RMND5B: variants seen among roughly 807,000 people sequenced by gnomAD.
RMND5B encodes required for meiotic nuclear division 5 homolog B, also known as E3 ubiquitin-protein transferase RMND5B.
A neutral mutation model predicts 50.4 loss-of-function variants in RMND5B; 42 were observed. The ratio of observed to expected loss-of-function variants is 0.83; its 90% CI spans 0.65 to 1.08. The LOEUF is 1.08. RMND5B is among the 50% of genes least tolerant of loss of function. The pLI, the probability that RMND5B is intolerant of heterozygous loss-of-function variation, is 0.00. For synonymous variants in RMND5B, 220 were observed against 210.0 expected (o/e 1.05, Z -0.41); for missense variants, 463 against 508.5 (o/e 0.91, Z 0.86).
At chr5:178,134,976 C>A (rs201686338) in intron 2 of RMND5B, among the ~76,000 whole-genome samples, 442 of 131,732 alleles carry the variant, frequency 3.4e-3, no homozygotes, top group Non-Finnish European at 4.1e-3. Flanking sequence ...AGACCGTCTA[C>A]AAAAAAAAAA....
intron 3 of RMND5B, 37 bp from the exon 4 acceptor site, chr5:178,142,546 C>G (rs1758996973): frequency 6.3e-7 from 1 of 1,577,914 alleles, no homozygotes; most frequent in Non-Finnish European, 8.6e-7. Context: ...GTGCCCCAGT[C>G]TGCCTCCTCT....
chr5:178,139,261 G>A (rs1313954009), intron 3 of RMND5B, among the ~76,000 whole-genome samples: 2 of 149,372 alleles, frequency 1.3e-5, no homozygotes, highest in South Asian at 2.1e-4. Flanking sequence ...CTGGAGTGCA[G>A]TGGCGTGATC....
In RMND5B at chr5:178,138,927, A is replaced by G. The variant is rs78598317; in HGVS notation, c.139+669A>G. On this transcript the variant is annotated intron_variant, in intron 3 of 10. Coordinates refer to ENST00000313386, the MANE Select transcript of RMND5B (RefSeq NM_022762.5). This position sits in a 1 kb window ranked among gnomAD's most constrained non-coding sequence, Gnocchi z 5.1. ...TATTAAAACCCAGAAATTGCCAGGC[A>G]CAGTGGCTCACGCCTGTAATCCCAG... Among the ~76,000 whole-genome samples, 3,132 of 152,262 alleles carry G rather than the reference A, an allele frequency of 0.021. 39 individuals carry two copies. The highest frequency in any genetic ancestry group is 0.061 in the Middle Eastern group (18 of 294).
intron 7 of RMND5B, among the ~76,000 whole-genome samples, chr5:178,144,832 A>G (rs1755899319): frequency 6.6e-6 from 1 of 152,034 alleles, no homozygotes; most frequent in South Asian, 2.1e-4. Context: ...CCTTGGCAAC[A>G]TGGGGAACCC....
chr5:178,131,458 G>A (rs1758295911), intron 2 of RMND5B, 82 bp downstream of exon 2: 1 of 152,326 alleles, frequency 6.6e-6, no homozygotes, highest in African/African-American at 2.4e-5. Context: ...GCATGTTAAT[G>A]CGGGTGAAAC....
intron 7 of RMND5B, among the ~76,000 whole-genome samples, chr5:178,145,510 C>A (rs1262530277): frequency 6.7e-6 from 1 of 149,744 alleles, no homozygotes; most frequent in Non-Finnish European, 1.5e-5. Context: ...AAAAAAAACA[C>A]ACAAAAAACA....
At chr5:178,131,202 C>T (rs1055734472) in intron 1 of RMND5B, 35 bp from the exon 2 acceptor site, 2 of 152,148 alleles carry the variant, frequency 1.3e-5, no homozygotes, top group African/African-American at 2.4e-5. Context: ...GACTAAGCCC[C>T]GAACAATCTG....
At position 178,138,128 on chromosome 5, in the gene RMND5B, G is replaced by A. The variant is rs769677656; in HGVS notation, c.9G>A (p.Gln3=). The A allele has an allele frequency of 4.3e-5, 68 of 1,598,852 alleles. No individual in the cohort carries two copies. The highest frequency in any genetic ancestry group is 5.5e-5 in the Non-Finnish European group (64 of 1,173,144). Residue 3 remains glutamine (Q), a synonymous_variant, in exon 3 of 11, where the codon CAG becomes CAA. Transcript: ENST00000313386. This position sits in a 1 kb window ranked among gnomAD's most constrained non-coding sequence, Gnocchi z 5.1. The stretch of plus-strand genomic sequence containing the variant: ...CCCAGGCTGAGGCCACCATGGAGCA[G>A]TGTGCGTGCGTGGAGAGAGAGCTGG... ME[Q]CACVERELDK... is the part of the protein sequence containing the mutation.
chr5:178,140,446 G>A (rs1320682413), intron 3 of RMND5B, among the ~76,000 whole-genome samples: 2 of 151,888 alleles, frequency 1.3e-5, no homozygotes, highest in African/African-American at 4.8e-5. Flanking sequence ...CCAAAGTGCT[G>A]GGATTATGAT....
intron 2 of RMND5B, among the ~76,000 whole-genome samples, chr5:178,132,667 G>C (rs559482923): frequency 6.6e-6 from 1 of 151,790 alleles, no homozygotes; most frequent in South Asian, 2.1e-4. Context: ...CCAGGAGGTC[G>C]AGGCTGCAGT....
At chr5:178,143,461 AG>A (rs1326276521) in intron 5 of RMND5B, among the ~76,000 whole-genome samples, 165 bp from the exon 6 acceptor site, 3 of 152,174 alleles carry the variant, frequency 2.0e-5, no homozygotes, top group Non-Finnish European at 4.4e-5. Context: ...CCCAGGACTG[AG>A]ATGGGAACAA....
chr5:178,144,089 T>C lies in RMND5B; in HGVS notation c.675T>C (p.Phe225=). 1.2e-6 allele frequency: 2 copies of C among 1,613,904 alleles called. No individual in the cohort carries two copies. Among genetic ancestry groups the C allele is most frequent in the Non-Finnish European group, 1.7e-6 (2 of 1,179,902 alleles). Residue 225 remains phenylalanine (F), a synonymous_variant, in exon 7 of 11, where the codon TTT becomes TTC. Coordinates refer to ENST00000313386, the MANE Select transcript of RMND5B (RefSeq NM_022762.5). ...GCTATGCTCGGCACTTCCAGCCCTTTGCTCGGCTGCACCAGCGGGGTGAGT... is the reference window on the plus strand; with the variant it reads ...GCTATGCTCGGCACTTCCAGCCCTTCGCTCGGCTGCACCAGCGGGGTGAGT... ...ALSYARHFQP[F]ARLHQREIQV...
intron 2 of RMND5B, among the ~76,000 whole-genome samples, chr5:178,135,758 G>A (rs569314426): frequency 2.6e-4 from 40 of 152,238 alleles, no homozygotes; most frequent in African/African-American, 9.6e-4. Context: ...TTTGAGCTTG[G>A]CTTTGATAAG....
Position 178,149,798 on chromosome 5 carries a change from A to T in RMND5B, c.*1766A>T. 6.2e-7 allele frequency: 1 copy of T among 1,613,878 alleles called. No homozygotes were observed. The highest frequency in any genetic ancestry group is 2.2e-5 in the East Asian group (1 of 44,884). ...CTCCTCATGGGGCTTGACCATTATC[A>T]CACAGGTGGGGCGCTTGGAGCCTGC... On this transcript the variant is annotated 3_prime_UTR_variant, in exon 11 of 11. Transcript: ENST00000313386.
intron 5 of RMND5B, among the ~76,000 whole-genome samples, 161 bp downstream of exon 5, chr5:178,143,153 A>T (rs188589545): frequency 1.3e-3 from 205 of 152,334 alleles, no homozygotes; most frequent in African/African-American, 4.7e-3. Flanking sequence ...ATATATGATG[A>T]AAAGAGAAGT....
chr5:178,131,558 A>T (rs1012494033), intron 2 of RMND5B, among the ~76,000 whole-genome samples, 182 bp downstream of exon 2: 1 of 143,560 alleles, frequency 7.0e-6, no homozygotes, highest in Non-Finnish European at 1.5e-5. Flanking sequence ...AGAAACTTCA[A>T]GTAGGACTGT....
rs570073467 is a variant in RMND5B at position 178,136,597 on chromosome 5, A to C, written c.-12-1511A>C. Among the ~76,000 whole-genome samples, 435 of 152,148 alleles carry C rather than the reference A, an allele frequency of 2.9e-3. 7 individuals are homozygous for C. Among genetic ancestry groups the C allele is most frequent in the East Asian group, 3.1e-3 (16 of 5,170 alleles). ...GGAGACAGTGGCTACAGATGGGTCA[A>C]GGTGCTGAGGCCGGGACTCATGCTG... is the stretch of plus-strand genomic sequence containing the variant. On this transcript the variant is annotated intron_variant, in intron 2 of 10. Coordinates refer to ENST00000313386, the MANE Select transcript of RMND5B (RefSeq NM_022762.5).
chr5:178,145,271 G>A (rs1755931410), intron 7 of RMND5B, among the ~76,000 whole-genome samples: 1 of 151,996 alleles, frequency 6.6e-6, no homozygotes, highest in Admixed American at 6.5e-5. Context: ...TGGATCATGA[G>A]GTCAAGAGAT....
rs1158402728 is a variant in RMND5B, at chr5:178,149,733, A to G, written c.*1701A>G. 1 of 1,613,922 alleles carries G rather than the reference A, an allele frequency of 6.2e-7. No individual in the cohort carries two copies. Among genetic ancestry groups the G allele is most frequent in the Non-Finnish European group, 8.5e-7 (1 of 1,179,954 alleles). On this transcript the variant is annotated 3_prime_UTR_variant, in exon 11 of 11. Coordinates refer to ENST00000313386, the MANE Select transcript of RMND5B (RefSeq NM_022762.5). Reference sequence around the variant, plus strand: ...GCCCCTCATAGGGGTAGGGGCAGGGACTGCACCTCCTCCAGGCACTCATCG... The same window carrying G: ...GCCCCTCATAGGGGTAGGGGCAGGGGCTGCACCTCCTCCAGGCACTCATCG...
Sources: gnomAD v4.1 joint callset for allele counts (sites outside exome capture counted in the v4.1 genomes callset) on GRCh38, gnomAD v4.1.1 for gene constraint, Gnocchi (gnomAD v3.1) non-coding constraint, MANE v1.5 for transcripts, NCBI Gene and HGNC (gene_info 2026-07-23, HGNC 2026-07-21) for gene names.